Variants in HACE1 observed in about 807,000 individuals in gnomAD.
HACE1 encodes the protein E3 ubiquitin-protein ligase HACE1.
HACE1 carries 73 observed loss-of-function variants against 118.4 expected under a neutral mutation model. The observed-to-expected ratio is 0.62, with a 90% CI of 0.51 to 0.75. The LOEUF is 0.75. Among genes scored for constraint, HACE1 ranks in the 30% least tolerant of loss-of-function variants. The probability of loss-of-function intolerance (pLI) is 0.00; values close to 1 mark genes in which losing one functional copy is unlikely to be tolerated. For missense variants in HACE1, 749 were observed against 1,102.2 expected (o/e 0.68, Z 4.54); for synonymous variants, 368 against 374.8 (o/e 0.98, Z 0.21).
intron 22 of HACE1, among the ~76,000 whole-genome samples, chr6:104,732,954 A>G (rs564354440): frequency 4.6e-5 from 7 of 152,338 alleles, no homozygotes; most frequent in African/African-American, 1.4e-4. Context: ...ACTAATGCAT[A>G]AACAATTCCT....
At chr6:104,774,438 G>A (rs1438821456) in intron 17 of HACE1, among the ~76,000 whole-genome samples, 2 of 148,318 alleles carry the variant, frequency 1.3e-5, no homozygotes, top group East Asian at 2.0e-4. Context: ...AGGCTGGAGT[G>A]CAGTGGCACA....
intron 20 of HACE1, among the ~76,000 whole-genome samples, chr6:104,746,158 T>C (rs568957244): frequency 5.8e-4 from 88 of 152,362 alleles, no homozygotes; most frequent in African/African-American, 2.0e-3. Context: ...GATTATTTTA[T>C]GTGAATAAAA....
At chr6:104,859,423 G>A (rs887153256) in intron 1 of HACE1, 144 bp downstream of exon 1, 14 of 668,166 alleles carry the variant, frequency 2.1e-5, no homozygotes, top group Non-Finnish European at 3.4e-5. Context: ...GGGGCCCGGG[G>A]CCGCCTCTCA....
intron 6 of HACE1, among the ~76,000 whole-genome samples, chr6:104,825,387 T>C (rs1342444020): frequency 5.3e-5 from 8 of 151,820 alleles, no homozygotes; most frequent in African/African-American, 1.9e-4. Flanking sequence ...GGAGTCTAAC[T>C]CTGTAACTTC....
chr6:104,730,561 C>T, intron 22 of HACE1, 145 bp from the exon 23 acceptor site: 1 of 649,088 alleles, frequency 1.5e-6, no homozygotes, highest in Non-Finnish European at 2.8e-6. Context: ...AACTCCAATT[C>T]ATTACTGTAA....
In HACE1 at chr6:104,795,682, G is replaced by GT. The variant is rs752249845; in HGVS notation, c.819dup (p.Arg274ThrfsTer12). On this transcript the variant is annotated frameshift_variant, in exon 10 of 24. Coordinates refer to ENST00000262903, the MANE Select transcript of HACE1 (RefSeq NM_020771.4). LOFTEE classifies it high-confidence loss of function. ...TGAGACAAATGCTCCAGAACTTGCC[G>GT]TAACTAAATTTTTTACAAATAAAAA... 3 of 1,595,724 alleles carry GT rather than the reference G, an allele frequency of 1.9e-6. No individual in the cohort carries two copies. The highest frequency in any genetic ancestry group is 2.6e-6 in the Non-Finnish European group (3 of 1,163,594).
rs1350823580 is a variant in HACE1, at chr6:104,795,615, G to T, written c.887C>A (p.Ala296Asp). Residue 296 changes from alanine to aspartate, a missense_variant, in exon 10 of 24, where the codon GCT becomes GAT. Physicochemically the swap from Ala to Asp is moderately radical, Grantham distance 126 (BLOSUM62 -2). Transcript: ENST00000262903. ...ATGACCATTTGTTGTAGCAACTTCA[G>T]CAAGGCTTGTTAGAATCTTTAGGTA... is the stretch of plus-strand genomic sequence containing the variant. ...SQYLKILTSLAEVATTNGHKL... is the reference protein window; with the variant it reads ...SQYLKILTSLDEVATTNGHKL... The T allele has an allele frequency of 7.4e-6, 12 of 1,612,120 alleles. No individual in the cohort carries two copies. The highest frequency in any genetic ancestry group is 1.0e-5 in the Non-Finnish European group (12 of 1,178,278).
At chr6:104,738,561 G>A (rs933148055) in intron 22 of HACE1, among the ~76,000 whole-genome samples, 6 of 149,090 alleles carry the variant, frequency 4.0e-5, no homozygotes, top group African/African-American at 1.5e-4. Context: ...AGGAAGAAAG[G>A]GTATCAGCGA....
At chr6:104,844,430 G>A (rs1330712487) in intron 4 of HACE1, among the ~76,000 whole-genome samples, 13 of 150,104 alleles carry the variant, frequency 8.7e-5, no homozygotes, top group South Asian at 6.3e-4. Context: ...TGCAACCTCC[G>A]CCTCCCAGGT....
In HACE1 at chr6:104,799,868, T is replaced by C. The variant is rs527454436; in HGVS notation, c.618-2843A>G. 1.7e-3 allele frequency among the ~76,000 whole-genome samples: 265 copies of C among 151,754 alleles called. 2 individuals are homozygous for C. The highest frequency in any genetic ancestry group is 4.5e-3 in the Admixed American group (69 of 15,254). ...CAAATGAGGTACCTGGTCGATCTCA[T>C]TGGGACTGGTTGGACAGTAGGTGCA... On this transcript the variant is annotated intron_variant, in intron 7 of 23. Transcript: ENST00000262903.
In HACE1 at chr6:104,728,321, G is replaced by C. The variant is rs1165821013; in HGVS notation, c.*1341C>G. ...AAAACATAAAACATTATTAGCTTCAGTTACTATAAATAAAGCATCCGAATC... is the reference window on the plus strand; with the variant it reads ...AAAACATAAAACATTATTAGCTTCACTTACTATAAATAAAGCATCCGAATC... On this transcript the variant is annotated 3_prime_UTR_variant, in exon 24 of 24. Coordinates refer to ENST00000262903, the MANE Select transcript of HACE1 (RefSeq NM_020771.4). The C allele has an allele frequency of 1.3e-5, 2 of 152,080 alleles. No homozygotes were observed. The highest frequency in any genetic ancestry group is 4.8e-5 in the African/African-American group (2 of 41,412). The allele number at this position is 152,080 out of a possible 1,614,324, so 9.4% of individuals were successfully genotyped here.
At chr6:104,803,701 G>C (rs1196120160) in intron 7 of HACE1, among the ~76,000 whole-genome samples, 1 of 152,116 alleles carries the variant, frequency 6.6e-6, no homozygotes, top group Non-Finnish European at 1.5e-5. Flanking sequence ...ACTAGGTATT[G>C]ATGGAACGTA....
At chr6:104,827,110 C>T (rs935368942) in intron 6 of HACE1, among the ~76,000 whole-genome samples, 4 of 151,886 alleles carry the variant, frequency 2.6e-5, no homozygotes, top group Admixed American at 6.6e-5. Flanking sequence ...TAATTGAAGG[C>T]GGTGACTAAC....
chr6:104,766,331 T>C (rs1226720526), intron 19 of HACE1, among the ~76,000 whole-genome samples: 1 of 152,168 alleles, frequency 6.6e-6, no homozygotes. Flanking sequence ...GTATGTTGTA[T>C]GCTTGTGTTC....
chr6:104,737,567 AGACG>A (rs1776037052), intron 22 of HACE1, among the ~76,000 whole-genome samples: 2 of 152,184 alleles, frequency 1.3e-5, no homozygotes, highest in African/African-American at 4.8e-5. Flanking sequence ...AAGGGGTGAC[AGACG>A]GCACCTAGAA....
In HACE1 at chr6:104,791,565, G is replaced by A. The variant is rs1353683792; in HGVS notation, c.1013C>T (p.Pro338Leu). ...CHVFRIGPSS[P>L]SNGIDMGYNG... ...GTAGCCCATATCAATTCCATTACTG[G>A]GGGAGGATGGACCAATTCGAAAGAC... Residue 338 changes from proline (P) to leucine (L), a missense_variant, in exon 11 of 24, where the codon CCC becomes CTC. Physicochemically the swap from Pro to Leu is moderately conservative, Grantham distance 98. Transcript: ENST00000262903. 1 of 1,611,754 alleles carries A rather than the reference G, an allele frequency of 6.2e-7. No homozygotes were observed. The highest frequency in any genetic ancestry group is 8.5e-7 in the Non-Finnish European group (1 of 1,177,974).
At chr6:104,737,571 G>T (rs929496770) in intron 22 of HACE1, among the ~76,000 whole-genome samples, 43 of 152,242 alleles carry the variant, frequency 2.8e-4, no homozygotes, top group African/African-American at 9.9e-4. Flanking sequence ...GGTGACAGAC[G>T]GCACCTAGAA....
At chr6:104,783,219 G>A (rs1781929850) in intron 14 of HACE1, among the ~76,000 whole-genome samples, 1 of 152,188 alleles carries the variant, frequency 6.6e-6, no homozygotes, top group African/African-American at 2.4e-5. Flanking sequence ...CTTTCTCAAG[G>A]TAACTTAAAA....
At chr6:104,737,047 G>A (rs1298563248) in intron 22 of HACE1, among the ~76,000 whole-genome samples, 1 of 151,878 alleles carries the variant, frequency 6.6e-6, no homozygotes, top group South Asian at 2.1e-4. Context: ...ACTTTGGGAG[G>A]CCGAGGCGGG....
Sources: gnomAD v4.1 joint callset for allele counts (sites outside exome capture counted in the v4.1 genomes callset) on GRCh38, gnomAD v4.1.1 for gene constraint, MANE v1.5 for transcripts, NCBI Gene and HGNC (gene_info 2026-07-23, HGNC 2026-07-21) for gene names.